FCHO2: variants seen among roughly 807,000 people sequenced by gnomAD.
The protein encoded by FCHO2 is FCH and mu domain containing endocytic adaptor 2.
FCHO2 carries 43 observed loss-of-function variants against 114.1 expected under a neutral mutation model. The ratio of observed to expected loss-of-function variants is 0.38; its 90% CI spans 0.30 to 0.49. The LOEUF (loss-of-function observed/expected upper bound fraction) is 0.49, where lower values mean the gene tolerates loss of function less well. Ranked by LOEUF, FCHO2 falls within the 20% of genes least tolerant of loss-of-function variation. FCHO2 has a pLI of 0.97. For synonymous variants in FCHO2, 293 were observed against 315.2 expected (o/e 0.93, Z 0.75); for missense variants, 807 against 950.4 (o/e 0.85, Z 1.98).
At chr5:72,979,409 T>G (rs1275049585) in intron 2 of FCHO2, among the ~76,000 whole-genome samples, 5 of 125,768 alleles carry the variant, frequency 4.0e-5, no homozygotes, top group Admixed American at 8.0e-5. Context: ...TTTTTTTTTT[T>G]GAGACGGAGT....
chr5:73,069,383 T>A (rs1742519680), intron 19 of FCHO2, among the ~76,000 whole-genome samples: 1 of 152,114 alleles, frequency 6.6e-6, no homozygotes, highest in Non-Finnish European at 1.5e-5. Flanking sequence ...AATAATTATA[T>A]AACTCACCAT....
At chr5:73,033,667 T>G (rs2112791643) in intron 8 of FCHO2, among the ~76,000 whole-genome samples, 1 of 152,264 alleles carries the variant, frequency 6.6e-6, no homozygotes, top group East Asian at 1.9e-4. Context: ...CAAAAAAAGC[T>G]AGACTTTCAT....
At chr5:73,040,261 C>A (rs985321375) in intron 10 of FCHO2, among the ~76,000 whole-genome samples, 3 of 152,094 alleles carry the variant, frequency 2.0e-5, no homozygotes, top group Non-Finnish European at 4.4e-5. Flanking sequence ...CAGAATACAT[C>A]CAGTTGAGTA....
At chr5:72,989,581 C>A in intron 3 of FCHO2, 80 bp downstream of exon 3, 1 of 1,061,274 alleles carries the variant, frequency 9.4e-7, no homozygotes, top group Admixed American at 2.2e-5. Flanking sequence ...GAGGACATAA[C>A]AGTTCAAAAG....
intron 2 of FCHO2, among the ~76,000 whole-genome samples, chr5:72,983,675 GCCACTGTGCC>G (rs2112650942): frequency 6.6e-6 from 1 of 150,884 alleles, no homozygotes; most frequent in African/African-American, 2.4e-5. Flanking sequence ...ACAAGCATGA[GCCACTGTGCC>G]CCACCTGATT....
Position 73,063,880 on chromosome 5 carries a change from C to T in FCHO2, c.1385C>T (p.Pro462Leu). The T allele has an allele frequency of 6.2e-7, 1 of 1,612,218 alleles. No homozygotes were observed. The highest frequency in any genetic ancestry group is 8.5e-7 in the Non-Finnish European group (1 of 1,178,958). Residue 462 changes from proline (P) to leucine (L), a missense_variant, in exon 18 of 26, where the codon CCA becomes CTA. Pro to Leu is a moderately conservative substitution (Grantham distance 98, BLOSUM62 -3). Coordinates refer to ENST00000430046, the MANE Select transcript of FCHO2 (RefSeq NM_138782.3). ...TTPLSVGTIV[P>L]PPRPASRPKL... ...CCTCTTTCTGTAGGCACCATTGTCCCACCTCCGAGGCCTGCTTCCAGACCA... is the reference window on the plus strand; with the variant it reads ...CCTCTTTCTGTAGGCACCATTGTCCTACCTCCGAGGCCTGCTTCCAGACCA...
At chr5:73,027,479 C>T (rs1012102683) in intron 8 of FCHO2, among the ~76,000 whole-genome samples, 9 of 151,114 alleles carry the variant, frequency 6.0e-5, no homozygotes, top group African/African-American at 1.5e-4. Context: ...ATACAAGAAA[C>T]GTTTGTCTAA....
chr5:73,039,699 G>A (rs1011171158), intron 10 of FCHO2, among the ~76,000 whole-genome samples: 18 of 151,160 alleles, frequency 1.2e-4, no homozygotes, highest in Admixed American at 7.2e-4. Context: ...AGGCCGAGGA[G>A]GGTGGATTAC....
At chr5:73,050,340 T>TTTA (rs1488043386) in intron 11 of FCHO2, among the ~76,000 whole-genome samples, 2 of 125,042 alleles carry the variant, frequency 1.6e-5, no homozygotes, top group Non-Finnish European at 3.6e-5. Flanking sequence ...TTATTTATTT[T>TTTA]GACAGAGCTC....
chr5:73,007,221 T>G (rs1355973192), intron 6 of FCHO2, among the ~76,000 whole-genome samples: 3 of 152,198 alleles, frequency 2.0e-5, no homozygotes, highest in African/African-American at 4.8e-5. Flanking sequence ...GCTTACAATA[T>G]CAAGGGTTTA....
intron 22 of FCHO2, among the ~76,000 whole-genome samples, chr5:73,080,348 A>C (rs1743051465): frequency 6.6e-6 from 1 of 152,224 alleles, no homozygotes; most frequent in South Asian, 2.1e-4. Flanking sequence ...ACCTCTTAGA[A>C]GGCAATTCTG....
chr5:72,974,249 G>T (rs1255388766), intron 2 of FCHO2, among the ~76,000 whole-genome samples: 261 of 131,464 alleles, frequency 2.0e-3, no homozygotes, highest in African/African-American at 7.3e-3. Context: ...TTCAATTCCT[G>T]GGTATCCTTG....
intron 2 of FCHO2, among the ~76,000 whole-genome samples, chr5:72,981,613 T>C (rs1252956734): frequency 6.6e-6 from 1 of 152,250 alleles, no homozygotes; most frequent in Non-Finnish European, 1.5e-5. Context: ...TTTCACATAG[T>C]CCCATATTTC....
chr5:73,010,875 C>CAAAAA (rs57820498), intron 6 of FCHO2, among the ~76,000 whole-genome samples: 15 of 25,728 alleles, frequency 5.8e-4, no homozygotes, highest in African/African-American at 1.7e-3. Flanking sequence ...GACTCTGTCT[C>CAAAAA]AAAAAAAAAA....
In FCHO2 at chr5:73,087,773, A is replaced by G. The variant is rs1192744208; in HGVS notation, c.2410+20A>G. On this transcript the variant is annotated intron_variant, in intron 25 of 25. Transcript: ENST00000430046. ...CTACTGGTAAGTTAGGAGATTTCAA[A>G]CTTTTTAATGTACATGGGAAACATT... 1.9e-6 allele frequency: 3 copies of G among 1,545,786 alleles called. No homozygotes were observed. The highest frequency in any genetic ancestry group is 4.3e-5 in the Admixed American group (2 of 46,024).
chr5:72,960,866 GAC>G (rs1293469300), intron 1 of FCHO2, among the ~76,000 whole-genome samples: 1 of 152,120 alleles, frequency 6.6e-6, no homozygotes, highest in Admixed American at 6.5e-5. Context: ...TTCACCCAAA[GAC>G]ACTAAGTAGT....
chr5:72,975,542 C>T (rs1456196702), intron 2 of FCHO2, among the ~76,000 whole-genome samples: 1 of 151,888 alleles, frequency 6.6e-6, no homozygotes, highest in Non-Finnish European at 1.5e-5. Flanking sequence ...CTCTGTTACC[C>T]AGCCCAGGCT....
At chr5:73,067,298 A>G (rs1742399302) in intron 18 of FCHO2, among the ~76,000 whole-genome samples, 1 of 152,046 alleles carries the variant, frequency 6.6e-6, no homozygotes, top group Non-Finnish European at 1.5e-5. Flanking sequence ...ACAGTAGTTG[A>G]TCTCAAGACT....
At chr5:73,061,987 G>A (rs1329646535) in intron 17 of FCHO2, among the ~76,000 whole-genome samples, 1 of 152,054 alleles carries the variant, frequency 6.6e-6, no homozygotes, top group Non-Finnish European at 1.5e-5. Flanking sequence ...AGAATGGTAT[G>A]ACAAGCATGC....
Sources: gnomAD v4.1 joint callset for allele counts (sites outside exome capture counted in the v4.1 genomes callset) on GRCh38, gnomAD v4.1.1 for gene constraint, MANE v1.5 for transcripts, NCBI Gene and HGNC (gene_info 2026-07-23, HGNC 2026-07-21) for gene names.